Variants in CD276 observed in about 807,000 individuals in gnomAD.
The protein encoded by CD276 is CD276 antigen.
Under a neutral mutation model 50.0 loss-of-function variants are expected in CD276, and 34 were observed. The ratio of observed to expected loss-of-function variants is 0.68; its 90% CI spans 0.52 to 0.91. The LOEUF (loss-of-function observed/expected upper bound fraction) is 0.91, where lower values mean the gene tolerates loss of function less well. Ranked by LOEUF, CD276 falls within the 40% of genes least tolerant of loss-of-function variation. The pLI, the probability that CD276 is intolerant of heterozygous loss-of-function variation, is 0.00. For missense variants in CD276, 634 were observed against 717.5 expected, an observed-to-expected ratio of 0.88 and a Z score of 1.33; for synonymous variants, 275 against 313.0, an observed-to-expected ratio of 0.88 and a Z score of 1.28.
In CD276 at chr15:73,687,159, G is replaced by A. The variant is rs1033997472; in HGVS notation, c.-55+2699G>A. ...GTGTACAGTTATGCAACCCTTGCCTGCCACCCCCAGTTCTACCGCCCTTGC... is the reference window on the plus strand; with the variant it reads ...GTGTACAGTTATGCAACCCTTGCCTACCACCCCCAGTTCTACCGCCCTTGC... On this transcript the variant is annotated intron_variant, in intron 1 of 9. Coordinates refer to ENST00000318443, the MANE Select transcript of CD276 (RefSeq NM_001024736.2). This position sits in a 1 kb window ranked among gnomAD's most constrained non-coding sequence, Gnocchi z 4.0. Among the ~76,000 whole-genome samples, 15 of 152,148 alleles carry A rather than the reference G, an allele frequency of 9.9e-5. No individual in the cohort carries two copies. The highest frequency in any genetic ancestry group is 9.2e-4 in the Admixed American group (14 of 15,284).
At chr15:73,695,533 C>T (rs1236961291) in intron 1 of CD276, among the ~76,000 whole-genome samples, 4 of 152,184 alleles carry the variant, frequency 2.6e-5, no homozygotes, top group Non-Finnish European at 5.9e-5. Context: ...CTATTAGAAT[C>T]TGCTCCTTGA....
chr15:73,699,832 T>C lies in CD276; in HGVS notation c.79+114T>C, dbSNP rs1488633420. 3 of 1,252,360 alleles carry C rather than the reference T, an allele frequency of 2.4e-6. No individual in the cohort carries two copies. The East Asian group carries it at 7.7e-5, about 32-fold the overall frequency. 77.6% of individuals were successfully genotyped at this position (1,252,360 alleles called of 1,614,324 possible). A position where few individuals can be genotyped will look rare whatever the true frequency, so the allele number is the denominator to read the frequency against. ...AAGCCAGCTCTGGCTAGCAGGGCCA[T>C]ACCTTACTTCCACCTGTGGGATCCA... On this transcript the variant is annotated intron_variant, in intron 2 of 9. Coordinates refer to ENST00000318443, the MANE Select transcript of CD276 (RefSeq NM_001024736.2).
At chr15:73,708,202 A>T (rs1900722617) in intron 6 of CD276, 137 bp from the exon 7 acceptor site, 1 of 887,122 alleles carries the variant, frequency 1.1e-6, no homozygotes. Flanking sequence ...GGACTGTAGG[A>T]ACTTAAGTGA....
At chr15:73,710,857 A>C (rs759429896) in intron 8 of CD276, among the ~76,000 whole-genome samples, 2 of 152,142 alleles carry the variant, frequency 1.3e-5, no homozygotes, top group Non-Finnish European at 2.9e-5. Context: ...GCACTTCCGC[A>C]TCTCCAGCTG....
rs369003182 is a variant in CD276 at position 73,713,377 on chromosome 15, C to G, written c.*421C>G. ...CCCCTGCCTTATTTCACCAAAGACA[C>G]GATGCATAGTCACCCCGGCCTTGTT... On this transcript the variant is annotated 3_prime_UTR_variant, in exon 10 of 10. Transcript: ENST00000318443. 3.8e-6 allele frequency: 1 copy of G among 263,338 alleles called. No homozygotes were observed. The highest frequency in any genetic ancestry group is 7.3e-6 in the Non-Finnish European group (1 of 137,348). 16.3% of individuals were successfully genotyped at this position (263,338 alleles called of 1,614,324 possible).
At chr15:73,709,721 C>A in intron 8 of CD276, 32 bp downstream of exon 8, 1 of 1,602,708 alleles carries the variant, frequency 6.2e-7, no homozygotes, top group Non-Finnish European at 8.5e-7. Flanking sequence ...GCCCTCTTGG[C>A]TGGGAGAGGG....
chr15:73,684,378 C>G (rs1899650419), upstream of CD276: 2 of 151,812 alleles, frequency 1.3e-5, no homozygotes, highest in African/African-American at 2.4e-5. Flanking sequence ...CCGCCCCCGG[C>G]CCCCATTCGG....
intron 1 of CD276, chr15:73,686,324 C>T (rs1382649934): frequency 1.0e-6 from 1 of 983,906 alleles, no homozygotes; most frequent in Non-Finnish European, 1.2e-6. Flanking sequence ...TGTGTTAATG[C>T]AAGTCTCAGG....
intron 6 of CD276, among the ~76,000 whole-genome samples, chr15:73,705,651 T>A (rs1900620733): frequency 6.6e-6 from 1 of 152,066 alleles, no homozygotes; most frequent in Non-Finnish European, 1.5e-5. Context: ...TATGGTTTGG[T>A]GGTGAAAATG....
chr15:73,706,163 T>C (rs1051507024), intron 6 of CD276, among the ~76,000 whole-genome samples: 16 of 152,146 alleles, frequency 1.1e-4, no homozygotes, highest in African/African-American at 3.1e-4. Flanking sequence ...GGCAAGAGAA[T>C]TGCTTGAACC....
intron 1 of CD276, among the ~76,000 whole-genome samples, chr15:73,685,363 C>T (rs1303401458): frequency 6.6e-6 from 1 of 151,782 alleles, no homozygotes. Flanking sequence ...TAAGCCAAAC[C>T]TGCTCTAATG....
intron 1 of CD276, among the ~76,000 whole-genome samples, chr15:73,697,296 CT>C (rs1436410809): frequency 6.6e-6 from 1 of 151,370 alleles, no homozygotes; most frequent in African/African-American, 2.4e-5. Flanking sequence ...AGAAGGGGGG[CT>C]GGCCAGGATG....
intron 3 of CD276, 73 bp downstream of exon 3, chr15:73,702,666 C>T: frequency 6.4e-7 from 1 of 1,554,388 alleles, no homozygotes; most frequent in Non-Finnish European, 8.7e-7. Context: ...CCCTGCTGCA[C>T]CACTGCTCCC....
intron 1 of CD276, among the ~76,000 whole-genome samples, chr15:73,689,640 C>G (rs1899913295): frequency 6.6e-6 from 1 of 152,032 alleles, no homozygotes; most frequent in Non-Finnish European, 1.5e-5. Context: ...GTTTATAATC[C>G]CCATTTTACA....
chr15:73,693,089 C>A (rs1260986834), intron 1 of CD276, among the ~76,000 whole-genome samples: 1 of 152,174 alleles, frequency 6.6e-6, no homozygotes, highest in Non-Finnish European at 1.5e-5. Context: ...TAGGAACACT[C>A]CTAACCCCGG....
intron 6 of CD276, among the ~76,000 whole-genome samples, chr15:73,705,033 T>C (rs957620634): frequency 5.9e-5 from 9 of 152,178 alleles, no homozygotes; most frequent in Admixed American, 2.6e-4. Flanking sequence ...CCTTTAGTGA[T>C]TGTTAGTCTC....
At chr15:73,710,998 C>A in intron 8 of CD276, 137 bp from the exon 9 acceptor site, 1 of 808,724 alleles carries the variant, frequency 1.2e-6, no homozygotes, top group Non-Finnish European at 2.1e-6. Context: ...AGGGCCCCTT[C>A]CCTTGTGCTA....
intron 6 of CD276, among the ~76,000 whole-genome samples, chr15:73,706,498 C>T (rs1373488316): frequency 2.6e-5 from 4 of 152,154 alleles, no homozygotes; most frequent in Admixed American, 2.0e-4. Context: ...GTCTGTAGAC[C>T]TGGGCTCCAG....
At chr15:73,696,258 CT>C (rs1483114056) in intron 1 of CD276, among the ~76,000 whole-genome samples, 3 of 151,964 alleles carry the variant, frequency 2.0e-5, no homozygotes, top group African/African-American at 4.8e-5. Context: ...TGAGATTCCC[CT>C]TTGTGGAAAA....
Sources: gnomAD v4.1 joint callset for allele counts (sites outside exome capture counted in the v4.1 genomes callset) on GRCh38, gnomAD v4.1.1 for gene constraint, Gnocchi (gnomAD v3.1) non-coding constraint, MANE v1.5 for transcripts, NCBI Gene and HGNC (gene_info 2026-07-23, HGNC 2026-07-21) for gene names.